Variants in SNX19 observed in about 807,000 individuals in gnomAD.
SNX19 encodes the protein sorting nexin-19.
In SNX19, 60 loss-of-function variants were observed where a neutral mutation model predicts 85.2. That is an observed-to-expected ratio of 0.70 (90% CI 0.57 to 0.87). The LOEUF (loss-of-function observed/expected upper bound fraction) is 0.87. Among genes scored for constraint, SNX19 ranks in the 40% least tolerant of loss-of-function variants. The pLI, the probability that SNX19 is intolerant of heterozygous loss-of-function variation, is 0.00. For synonymous variants in SNX19, 520 were observed against 470.0 expected (o/e 1.11, Z -1.38); for missense variants, 1,201 against 1,217.8 (o/e 0.99, Z 0.21).
Position 130,893,607 on chromosome 11 carries a change from G to A in SNX19, c.2573+9648C>T, listed in dbSNP as rs201151782. On this transcript the variant is annotated intron_variant, in intron 8 of 10. Coordinates refer to ENST00000265909, the MANE Select transcript of SNX19 (RefSeq NM_014758.3). The stretch of plus-strand genomic sequence containing the variant: ...GGCCATCTATCCCGTTATGAAGGAC[G>A]TAGGGACACCGAAGTGGCAACTCCA... Among the ~76,000 whole-genome samples, 4 of 152,092 alleles carry A rather than the reference G, an allele frequency of 2.6e-5. No individual in the cohort carries two copies. The East Asian group carries it at 5.8e-4, about 22-fold the overall frequency.
intron 1 of SNX19, among the ~76,000 whole-genome samples, chr11:130,913,518 T>C (rs1159528610): frequency 2.0e-5 from 3 of 152,186 alleles, no homozygotes; most frequent in Non-Finnish European, 2.9e-5. Context: ...CTTAGTTGGA[T>C]TGGGAGTTCG....
rs1322667341 is a variant in SNX19, at chr11:130,907,846, C to T, written c.2165+107G>A. On this transcript the variant is annotated intron_variant, in intron 5 of 10. Coordinates refer to ENST00000265909, the MANE Select transcript of SNX19 (RefSeq NM_014758.3). ...TTTGCCTAAAAACTGGTATGTCTGA[C>T]CCACCTCCTTTCCTCTAGGGCTTGA... The T allele has an allele frequency of 4.6e-6, 7 of 1,522,946 alleles. No individual in the cohort carries two copies. The Admixed American group carries it at 9.7e-5, about 21-fold the overall frequency. The allele number at this position is 1,522,946 out of a possible 1,614,324, so 94.3% of individuals were successfully genotyped here.
chr11:130,913,133 TCTG>T (rs1476054046), intron 1 of SNX19, among the ~76,000 whole-genome samples: 2 of 152,162 alleles, frequency 1.3e-5, no homozygotes, highest in Non-Finnish European at 2.9e-5. Flanking sequence ...ACTTAATTTT[TCTG>T]CTAATGAGGA....
intron 8 of SNX19, among the ~76,000 whole-genome samples, chr11:130,897,190 G>A (rs1238974331): frequency 2.6e-5 from 4 of 152,050 alleles, no homozygotes. Flanking sequence ...TTTCTCCTGG[G>A]TGCCCTGCTT....
chr11:130,889,199 T>G (rs769017625), intron 8 of SNX19, among the ~76,000 whole-genome samples: 22 of 152,106 alleles, frequency 1.4e-4, no homozygotes, highest in Admixed American at 2.6e-4. Flanking sequence ...GTTCTATTAC[T>G]ACTATTTTTG....
At position 130,878,375 on chromosome 11, in the gene SNX19, C is replaced by CGAG; in HGVS notation, c.*44_*46dup. 1 of 1,588,612 alleles carries CGAG rather than the reference C, an allele frequency of 6.3e-7. No homozygotes were observed. Among genetic ancestry groups the CGAG allele is most frequent in the Non-Finnish European group, 8.6e-7 (1 of 1,164,702 alleles). On this transcript the variant is annotated 3_prime_UTR_variant, in exon 11 of 11. Transcript: ENST00000265909. ...GGCTTCCTGACTGGTCTCTGGTGGC[C>CGAG]GAGTAACTCTACTTCCCTGACCTGG... is the stretch of plus-strand genomic sequence containing the variant.
chr11:130,870,521 A>G lies in SNX19; in HGVS notation c.*7901T>C, dbSNP rs1942980863. Reference sequence around the variant, plus strand: ...TCCCACCCACACGCAAGATGTACAAAGCTGTCTGGGGCAGGTCTGGTACAG... The same window carrying G: ...TCCCACCCACACGCAAGATGTACAAGGCTGTCTGGGGCAGGTCTGGTACAG... On this transcript the variant is annotated 3_prime_UTR_variant, in exon 11 of 11. Transcript: ENST00000265909. Among the ~76,000 whole-genome samples the G allele has an allele frequency of 6.6e-6, 1 of 152,234 alleles. No individual in the cohort carries two copies. The highest frequency in any genetic ancestry group is 2.4e-5 in the African/African-American group (1 of 41,474).
rs368181167 is a variant in SNX19, at chr11:130,898,800, G to C, written c.2573+4455C>G. ...CTTTAGACTGCAGCACTGCCCTTAG[G>C]TTAGCTGCAAGTGTGTAGATACGGA... On this transcript the variant is annotated intron_variant, in intron 8 of 10. Transcript: ENST00000265909. 2.8e-4 allele frequency among the ~76,000 whole-genome samples: 43 copies of C among 152,302 alleles called. 1 individual carries two copies. In the East Asian group the frequency reaches 8.3e-3, roughly 29 times the overall value.
rs551869419 is a variant in SNX19 at position 130,906,707 on chromosome 11, A to C, written c.2180T>G (p.Phe727Cys). The C allele has an allele frequency of 1.2e-6, 2 of 1,610,920 alleles. No homozygotes were observed. The stretch of plus-strand genomic sequence containing the variant: ...TGCTGGAGAAATTTTACTGGATGAG[A>C]ACCTCAGCCTAGACCTGGTACAGAA... ...GKKASKSRLRFSSSKISPALS... is the reference protein window; with the variant it reads ...GKKASKSRLRCSSSKISPALS... Residue 727 changes from phenylalanine to cysteine, a missense_variant, in exon 6 of 11, where the codon TTC (phenylalanine) becomes TGC (cysteine). Physicochemically the swap from Phe to Cys is radical, Grantham distance 205. Coordinates refer to ENST00000265909, the MANE Select transcript of SNX19 (RefSeq NM_014758.3).
chr11:130,900,659 C>G (rs534447563), intron 8 of SNX19, among the ~76,000 whole-genome samples: 2 of 152,264 alleles, frequency 1.3e-5, no homozygotes, highest in East Asian at 3.9e-4. Context: ...CCTAACTCAT[C>G]TATACTTTTA....
intron 8 of SNX19, among the ~76,000 whole-genome samples, chr11:130,899,375 C>A (rs1945098731): frequency 6.6e-6 from 1 of 152,158 alleles, no homozygotes; most frequent in Non-Finnish European, 1.5e-5. Context: ...CCGGTTCTTT[C>A]TTTAGATATC....
intron 10 of SNX19, among the ~76,000 whole-genome samples, chr11:130,879,121 C>A (rs1467237840): frequency 6.6e-6 from 1 of 152,174 alleles, no homozygotes; most frequent in Admixed American, 6.5e-5. Context: ...AAATTCCAAC[C>A]TTACTATCTT....
chr11:130,903,143 C>G, intron 8 of SNX19, 112 bp downstream of exon 8: 1 of 1,474,158 alleles, frequency 6.8e-7, no homozygotes. Flanking sequence ...ACCCCTGTAA[C>G]AGAGAATCTA....
intron 2 of SNX19, among the ~76,000 whole-genome samples, chr11:130,910,933 A>G (rs117380486): frequency 0.16 from 24,142 of 152,176 alleles, 2,188 homozygotes; most frequent in Middle Eastern, 0.25. Context: ...AGTAGCTCAC[A>G]TCTGTAATCC....
At chr11:130,881,008 A>G (rs1943629501) in intron 8 of SNX19, 1 of 393,796 alleles carries the variant, frequency 2.5e-6, no homozygotes. Context: ...GAAACCTGAG[A>G]GAGACTTCTC....
chr11:130,905,710 T>C (rs1945611692), intron 7 of SNX19: 2 of 1,533,936 alleles, frequency 1.3e-6, no homozygotes, highest in African/African-American at 2.7e-5. Flanking sequence ...ATCAGCATGA[T>C]CTCATCCTGC....
At chr11:130,908,372 G>A (rs923576161) in intron 4 of SNX19, 5 of 234,400 alleles carry the variant, frequency 2.1e-5, no homozygotes, top group East Asian at 1.7e-4. Context: ...TGAGTTCTGC[G>A]GGCTGGTGAT....
chr11:130,878,432 A>T lies in SNX19; in HGVS notation c.2969T>A (p.Val990Asp), dbSNP rs753660048. ...GGCGTGAATAACCAGCTAAGAGGAG[A>T]CACCCATCCTCTTAGAGTTGCCTGG... ...DTPGNSKRMG[V>D]SS Residue 990 changes from valine to aspartate, a missense_variant, in exon 11 of 11, where the codon GTC becomes GAC. Physicochemically the swap from Val to Asp is radical, Grantham distance 152. Around this residue, in one of 3 missense-constraint regions of SNX19, gnomAD observed 285 missense variants for 295.3 expected, o/e 0.97. Transcript: ENST00000265909. 6 of 1,613,628 alleles carry T rather than the reference A, an allele frequency of 3.7e-6. No individual in the cohort carries two copies. Among genetic ancestry groups the T allele is most frequent in the Non-Finnish European group, 5.1e-6 (6 of 1,179,756 alleles).
At position 130,867,854 on chromosome 11, in the gene SNX19, G is replaced by A. The variant is rs1942836615; in HGVS notation, c.*10568C>T. The A allele has an allele frequency of 6.6e-6, 1 of 152,038 alleles. No homozygotes were observed. The highest frequency in any genetic ancestry group is 1.5e-5 in the Non-Finnish European group (1 of 67,996). The allele number at this position is 152,038 out of a possible 1,614,324, so 9.4% of individuals were successfully genotyped here. A position where few individuals can be genotyped will look rare whatever the true frequency, so the allele number is the denominator to read the frequency against. On this transcript the variant is annotated 3_prime_UTR_variant, in exon 11 of 11. Transcript: ENST00000265909. ...AAACTGAGGTCCAGGGAAGTGAAGA[G>A]ATCGGTCCAAGATCACTGGAACCCA...
Sources: allele counts gnomAD v4.1 joint callset (sites outside exome capture counted in the v4.1 genomes callset), GRCh38; gene constraint gnomAD v4.1.1; regional missense constraint gnomAD v4.1.1; transcripts MANE v1.5; gene names NCBI Gene and HGNC (gene_info 2026-07-23, HGNC 2026-07-21).